TCP11: variants seen among roughly 807,000 people sequenced by gnomAD.
The protein encoded by TCP11 is T-complex protein 11 homolog.
TCP11 carries 34 observed loss-of-function variants against 45.0 expected under a neutral mutation model. The ratio of observed to expected loss-of-function variants is 0.76; its 90% confidence interval spans 0.57 to 1.01. TCP11 has a LOEUF of 1.01. TCP11 is among the 50% of genes least tolerant of loss of function. The pLI is 0.00. For synonymous variants in TCP11, 227 were observed against 227.0 expected (o/e 1.00, Z 0.00); for missense variants, 523 against 598.1 (o/e 0.87, Z 1.31).
intron 2 of TCP11, among the ~76,000 whole-genome samples, chr6:35,139,834 C>A (rs1266026890): frequency 6.6e-6 from 1 of 152,082 alleles, no homozygotes; most frequent in Non-Finnish European, 1.5e-5. Flanking sequence ...AAATCCAGAT[C>A]CCAAGGACAA....
rs1390365695 is a variant in TCP11 at position 35,141,310 on chromosome 6, G to A, written c.-120C>T. ...CGGCGGAGCGGCGGGTTGGGGCGTC[G>A]CACGGTGAGAAAGGCCGGGGCCTGA... is the stretch of plus-strand genomic sequence containing the variant. On this transcript the variant is annotated 5_prime_UTR_variant, in exon 1 of 10. Coordinates refer to ENST00000311875, the MANE Select transcript of TCP11 (RefSeq NM_001370687.1). 1.6e-6 allele frequency: 2 copies of A among 1,272,086 alleles called. No individual in the cohort carries two copies. Among genetic ancestry groups the A allele is most frequent in the Non-Finnish European group, 2.0e-6 (2 of 1,004,398 alleles). The allele number at this position is 1,272,086 out of a possible 1,614,324, so 78.8% of individuals were successfully genotyped here.
At chr6:35,121,660 A>G (rs942973366) in intron 5 of TCP11, among the ~76,000 whole-genome samples, 2 of 152,046 alleles carry the variant, frequency 1.3e-5, no homozygotes, top group African/African-American at 4.8e-5. Flanking sequence ...TAAAAATACA[A>G]AAGTTAGCCA....
chr6:35,119,280 C>T lies in TCP11; in HGVS notation c.1227G>A (p.Met409Ile). The change falls in exon 9 of 10, where the codon ATG becomes ATA. Residue 409 changes from methionine to isoleucine, a missense_variant. Physicochemically the swap from Met to Ile is conservative, Grantham distance 10. Around this residue, in one of 2 missense-constraint regions of TCP11, gnomAD observed 298 missense variants for 387.9 expected, o/e 0.77. Coordinates refer to ENST00000311875, the MANE Select transcript of TCP11 (RefSeq NM_001370687.1). ...ALSSDNTASLMGQLQNIAKKE... is the reference protein window; with the variant it reads ...ALSSDNTASLIGQLQNIAKKE... ...TCTTGGCAATGTTCTGGAGCTGTCC[C>T]ATTAGAGATGCTGTATTATCACTGC... The T allele has an allele frequency of 6.2e-7, 1 of 1,614,192 alleles. No individual in the cohort carries two copies. Among genetic ancestry groups the T allele is most frequent in the South Asian group, 1.1e-5 (1 of 91,080 alleles).
Position 35,140,902 on chromosome 6 carries a change from G to C in TCP11, c.-14-18C>G. 6.5e-7 allele frequency: 1 copy of C among 1,545,786 alleles called. No homozygotes were observed. Among genetic ancestry groups the C allele is most frequent in the Non-Finnish European group, 8.7e-7 (1 of 1,151,484 alleles). On this transcript the variant is annotated intron_variant, in intron 1 of 9. Transcript: ENST00000311875. ...GATGGTATCTGGGTGAGGGAGAAAG[G>C]CGTGTTGTTGGCGTCGGGGAAGGGG...
At chr6:35,119,185 A>G (rs776450206) in intron 9 of TCP11, 43 bp downstream of exon 9, 52 of 1,608,548 alleles carry the variant, frequency 3.2e-5, no homozygotes, top group Admixed American at 6.7e-5. Flanking sequence ...GTTGGGATCT[A>G]TCTCTTCCCT....
intron 4 of TCP11, among the ~76,000 whole-genome samples, chr6:35,123,024 T>C (rs556840465): frequency 6.6e-6 from 1 of 152,322 alleles, no homozygotes; most frequent in Admixed American, 6.5e-5. Flanking sequence ...CTTCAGTGCC[T>C]ACTCTGCAAA....
Position 35,120,248 on chromosome 6 carries a change from A to G in TCP11, c.1026T>C (p.Ser342=). ...AGCCAAACAAAACACTGCCGGAGAA[A>G]CTACTGGCCACCAGCAAGACTGAGG... ...VMASVLLVAS[S]FSGSVLFGSP... Residue 342 remains serine, a synonymous_variant, in exon 8 of 10, where the codon AGT becomes AGC. Coordinates refer to ENST00000311875, the MANE Select transcript of TCP11 (RefSeq NM_001370687.1). This position sits in a 1 kb window ranked among gnomAD's most constrained non-coding sequence, Gnocchi z 4.9. 1.9e-6 allele frequency: 3 copies of G among 1,614,238 alleles called. No homozygotes were observed. Among genetic ancestry groups the G allele is most frequent in the Non-Finnish European group, 8.5e-7 (1 of 1,180,040 alleles).
At chr6:35,131,460 T>C (rs1221092741) in intron 3 of TCP11, among the ~76,000 whole-genome samples, 1 of 148,258 alleles carries the variant, frequency 6.7e-6, no homozygotes, top group Non-Finnish European at 1.5e-5. Context: ...CCCAGCTACT[T>C]GGGAGGCTGA....
At chr6:35,139,196 G>C (rs1431967186) in intron 2 of TCP11, among the ~76,000 whole-genome samples, 1 of 140,842 alleles carries the variant, frequency 7.1e-6, no homozygotes, top group Non-Finnish European at 1.5e-5. Context: ...AAAACAGCTA[G>C]TTTATAAAAA....
At chr6:35,132,662 A>G (rs1287899563) in intron 3 of TCP11, among the ~76,000 whole-genome samples, 1 of 152,192 alleles carries the variant, frequency 6.6e-6, no homozygotes, top group Non-Finnish European at 1.5e-5. Context: ...AACCTCAAAC[A>G]ATTTCAGCCT....
intron 1 of TCP11, 56 bp from the exon 2 acceptor site, chr6:35,140,940 C>T: frequency 6.8e-7 from 1 of 1,479,136 alleles, no homozygotes; most frequent in African/African-American, 1.4e-5. Flanking sequence ...TCCCCAATTG[C>T]CAAGGGGGTC....
rs779399446 is a variant in TCP11, at chr6:35,141,301, T to TG, written c.-112dup. The TG allele has an allele frequency of 3.9e-4, 504 of 1,284,206 alleles. 1 individual carries two copies. In the East Asian group the frequency reaches 6.2e-3, roughly 16 times the overall value. 79.6% of individuals were successfully genotyped at this position (1,284,206 alleles called of 1,614,324 possible). Reference sequence around the variant, plus strand: ...GTACCACCGCGGCGGAGCGGCGGGTTGGGGCGTCGCACGGTGAGAAAGGCC... The same window carrying TG: ...GTACCACCGCGGCGGAGCGGCGGGTTGGGGGCGTCGCACGGTGAGAAAGGCC... On this transcript the variant is annotated 5_prime_UTR_variant, in exon 1 of 10. Transcript: ENST00000311875.
intron 3 of TCP11, among the ~76,000 whole-genome samples, chr6:35,135,382 A>G (rs1780961494): frequency 6.6e-6 from 1 of 152,160 alleles, no homozygotes; most frequent in South Asian, 2.1e-4. Flanking sequence ...AAATTGAGGG[A>G]GCCTCTGGCC....
chr6:35,131,331 G>A lies in TCP11; in HGVS notation c.237-2149C>T, dbSNP rs181193968. The stretch of plus-strand genomic sequence containing the variant: ...GCCTATAATCCCAGCACTTTGGGGG[G>A]CCGAGGCGGGCGGATCACCTGAGGC... On this transcript the variant is annotated intron_variant, in intron 3 of 9. Transcript: ENST00000311875. 1.9e-3 allele frequency among the ~76,000 whole-genome samples: 296 copies of A among 151,916 alleles called. 1 individual carries two copies. The highest frequency in any genetic ancestry group is 3.3e-3 in the South Asian group (16 of 4,818).
At chr6:35,130,592 A>G (rs1234356459) in intron 3 of TCP11, among the ~76,000 whole-genome samples, 3 of 152,216 alleles carry the variant, frequency 2.0e-5, no homozygotes, top group African/African-American at 7.2e-5. Context: ...AAATAAGTAT[A>G]TGAGAAGACG....
Position 35,122,298 on chromosome 6 carries a change from T to G in TCP11, c.397A>C (p.Arg133=). 6.2e-7 allele frequency: 1 copy of G among 1,614,154 alleles called. No homozygotes were observed. The highest frequency in any genetic ancestry group is 8.5e-7 in the Non-Finnish European group (1 of 1,180,026). The change falls in exon 5 of 10, where the codon AGA becomes CGA. Residue 133 remains arginine, a synonymous_variant. Coordinates refer to ENST00000311875, the MANE Select transcript of TCP11 (RefSeq NM_001370687.1). ...TCCAGAGCTTCTTCAATCTCAATTC[T>G]CAGGCGGTTCTGGCGTGGTAATAGC... The part of the protein sequence containing the change: ...SLLLPRQNRL[R]IEIEEALDMD...
At chr6:35,122,059 A>G (rs1437435077) in intron 5 of TCP11, 58 bp downstream of exon 5, 3 of 1,566,222 alleles carry the variant, frequency 1.9e-6, no homozygotes, top group Non-Finnish European at 2.6e-6. Flanking sequence ...GGTCTGGCCC[A>G]GCTTTTCCGG....
At chr6:35,139,263 A>C (rs113870782) in intron 2 of TCP11, among the ~76,000 whole-genome samples, 2 of 152,078 alleles carry the variant, frequency 1.3e-5, no homozygotes, top group Non-Finnish European at 2.9e-5. Flanking sequence ...TTGCAATTTT[A>C]AAAGGCAGGA....
chr6:35,136,319 T>C (rs1354103631), intron 2 of TCP11, 101 bp from the exon 3 acceptor site: 14 of 817,008 alleles, frequency 1.7e-5, no homozygotes, highest in South Asian at 6.6e-5. Context: ...ATCAAACTGG[T>C]CTTACACAGA....
Sources: gnomAD v4.1 joint callset for allele counts (sites outside exome capture counted in the v4.1 genomes callset) on GRCh38, gnomAD v4.1.1 for gene constraint, gnomAD v4.1.1 regional missense constraint, Gnocchi (gnomAD v3.1) non-coding constraint, MANE v1.5 for transcripts, NCBI Gene and HGNC (gene_info 2026-07-23, HGNC 2026-07-21) for gene names.